The following DENND2A variants were observed in gnomAD, a reference collection of about 807,000 sequenced individuals.
DENND2A encodes the protein DENN domain containing 2A, also known as DENN domain-containing protein 2A.
In DENND2A, 53 loss-of-function variants were observed where a neutral mutation model predicts 105.3. The ratio of observed to expected loss-of-function variants is 0.50; its 90% confidence interval spans 0.40 to 0.63. The LOEUF is 0.63. Among genes scored for constraint, DENND2A ranks in the 30% least tolerant of loss-of-function variants. DENND2A has a pLI of 0.00. For synonymous variants in DENND2A, 522 were observed against 508.4 expected (o/e 1.03, Z -0.36); for missense variants, 1,138 against 1,279.6 (o/e 0.89, Z 1.69).
chr7:140,579,882 A>G (rs1025580902), intron 5 of DENND2A, among the ~76,000 whole-genome samples: 1 of 152,190 alleles, frequency 6.6e-6, no homozygotes, highest in African/African-American at 2.4e-5. Flanking sequence ...CTGTAATCCA[A>G]GCACTTTGGG....
intron 1 of DENND2A, among the ~76,000 whole-genome samples, chr7:140,627,894 C>A (rs2130732683): frequency 6.6e-6 from 1 of 151,558 alleles, no homozygotes; most frequent in Admixed American, 6.6e-5. Context: ...GTGGTTCAAG[C>A]AATTTTCCTG....
intron 9 of DENND2A, 145 bp downstream of exon 9, chr7:140,566,941 A>C: frequency 3.2e-6 from 2 of 619,888 alleles, no homozygotes; most frequent in Middle Eastern, 4.3e-4. Context: ...TTTTTTTTTC[A>C]TCTGATATAC....
rs1347514028 is a variant in DENND2A at position 140,601,736 on chromosome 7, TC to T, written c.661del (p.Asp221ThrfsTer96). The T allele has an allele frequency of 6.2e-7, 1 of 1,613,898 alleles. No individual in the cohort carries two copies. Among genetic ancestry groups the T allele is most frequent in the African/African-American group, 1.3e-5 (1 of 74,890 alleles). The stretch of plus-strand genomic sequence containing the variant: ...AGGGGTGGGCTCCCTGCCTTCCAGG[TC>T]CGAGGGGTGGACCCTCTGGCTGACT... ...SEVSQRVHPS[D>X]LEGREPTPEL... On this transcript the variant is annotated frameshift_variant, in exon 3 of 20. Coordinates refer to ENST00000496613, the MANE Select transcript of DENND2A (RefSeq NM_015689.5). LOFTEE classifies it high-confidence loss of function.
intron 14 of DENND2A, among the ~76,000 whole-genome samples, chr7:140,539,157 C>T (rs1051296340): frequency 6.6e-6 from 1 of 152,240 alleles, no homozygotes; most frequent in African/African-American, 2.4e-5. Context: ...GGTCAGGCAA[C>T]TTGCAGCCAA....
intron 18 of DENND2A, 50 bp from the exon 19 acceptor site, chr7:140,519,768 C>T: frequency 6.6e-7 from 1 of 1,516,532 alleles, no homozygotes; most frequent in Non-Finnish European, 9.2e-7. Flanking sequence ...CTTTGCACTT[C>T]TAAATGTGTC....
At chr7:140,611,106 C>T (rs1344910538) in intron 1 of DENND2A, among the ~76,000 whole-genome samples, 1 of 152,180 alleles carries the variant, frequency 6.6e-6, no homozygotes, top group East Asian at 1.9e-4. Context: ...AGTGCAATGG[C>T]ATGATCTCGG....
chr7:140,580,559 A>T (rs1282798714), intron 5 of DENND2A, among the ~76,000 whole-genome samples: 1 of 152,110 alleles, frequency 6.6e-6, no homozygotes, highest in Non-Finnish European at 1.5e-5. Flanking sequence ...GCCTCAAGCA[A>T]TCCTCCCACC....
intron 19 of DENND2A, among the ~76,000 whole-genome samples, 189 bp downstream of exon 19, chr7:140,519,443 C>T (rs998797690): frequency 1.3e-5 from 2 of 152,140 alleles, no homozygotes; most frequent in Non-Finnish European, 1.5e-5. Context: ...CTGGGGGCAG[C>T]GTTTCCTTTG....
chr7:140,568,273 T>C (rs1006687490), intron 8 of DENND2A, among the ~76,000 whole-genome samples: 1 of 152,062 alleles, frequency 6.6e-6, no homozygotes, highest in Non-Finnish European at 1.5e-5. Context: ...CTCCCTGGGG[T>C]CTGAAAAATT....
chr7:140,532,613 A>G (rs1796308788), intron 14 of DENND2A, among the ~76,000 whole-genome samples: 1 of 152,180 alleles, frequency 6.6e-6, no homozygotes, highest in Non-Finnish European at 1.5e-5. Flanking sequence ...AGGAAGAGTG[A>G]GGCTAAATGA....
At chr7:140,570,810 A>T (rs1798062297) in intron 6 of DENND2A, among the ~76,000 whole-genome samples, 1 of 152,234 alleles carries the variant, frequency 6.6e-6, no homozygotes, top group Non-Finnish European at 1.5e-5. Flanking sequence ...TGCATTTGAA[A>T]GGAGACCTGC....
intron 16 of DENND2A, among the ~76,000 whole-genome samples, chr7:140,524,874 G>A (rs976097797): frequency 5.3e-5 from 8 of 151,174 alleles, no homozygotes; most frequent in African/African-American, 2.0e-4. Context: ...GCCCCGGCCA[G>A]GGCAAATATT....
rs761705165 is a variant in DENND2A, at chr7:140,567,274, C to T, written c.1592-1G>A. 6.5e-7 allele frequency: 1 copy of T among 1,530,442 alleles called. No homozygotes were observed. Among genetic ancestry groups the T allele is most frequent in the Admixed American group, 1.8e-5 (1 of 54,418 alleles). 94.8% of individuals were successfully genotyped at this position (1,530,442 alleles called of 1,614,324 possible). A position where few individuals can be genotyped will look rare whatever the true frequency, so the allele number is the denominator to read the frequency against. On this transcript the variant is annotated splice_acceptor_variant, in intron 8 of 19. Transcript: ENST00000496613. LOFTEE classifies it high-confidence loss of function. ...ACGTTGACCAGGCGCTGGCTGTGAG[C>T]TGGGTGAGGGAGGGAGAGAGAAAGA... is the stretch of plus-strand genomic sequence containing the variant.
chr7:140,596,131 T>C (rs1799275506), intron 3 of DENND2A, among the ~76,000 whole-genome samples: 1 of 152,224 alleles, frequency 6.6e-6, no homozygotes, highest in Non-Finnish European at 1.5e-5. Context: ...AAACTATTTC[T>C]GTCCCTCATT....
chr7:140,616,434 G>A (rs1041848529), intron 1 of DENND2A, among the ~76,000 whole-genome samples: 7 of 152,064 alleles, frequency 4.6e-5, no homozygotes, highest in African/African-American at 1.7e-4. Context: ...GGCTAAGTGA[G>A]GCGGGGAAGT....
intron 5 of DENND2A, among the ~76,000 whole-genome samples, chr7:140,580,256 T>C (rs1798483727): frequency 6.6e-6 from 1 of 152,148 alleles, no homozygotes; most frequent in East Asian, 1.9e-4. Flanking sequence ...AGAAAAACTT[T>C]ACAATTACAA....
chr7:140,614,063 C>T (rs1800001076), intron 1 of DENND2A, among the ~76,000 whole-genome samples: 1 of 152,022 alleles, frequency 6.6e-6, no homozygotes, highest in African/African-American at 2.4e-5. Context: ...GTCCTCAAAG[C>T]CTCTTTGGAA....
intron 3 of DENND2A, among the ~76,000 whole-genome samples, chr7:140,591,694 C>CTTTCTTTCT (rs1799033050): frequency 1.1e-5 from 1 of 94,396 alleles, no homozygotes; most frequent in African/African-American, 5.7e-5. Flanking sequence ...TCTTTCTTTC[C>CTTTCTTTCT]TTCCTTCCTT....
intron 3 of DENND2A, among the ~76,000 whole-genome samples, chr7:140,599,593 C>T (rs1051115820): frequency 6.6e-6 from 1 of 151,944 alleles, no homozygotes; most frequent in Non-Finnish European, 1.5e-5. Context: ...AGTTGCTTGT[C>T]CAATGTCCCA....
Sources: gnomAD v4.1 joint callset for allele counts (sites outside exome capture counted in the v4.1 genomes callset) on GRCh38, gnomAD v4.1.1 for gene constraint, MANE v1.5 for transcripts, NCBI Gene and HGNC (gene_info 2026-07-23, HGNC 2026-07-21) for gene names.